Variants in TLL1 observed in about 807,000 individuals in gnomAD.
TLL1 encodes the protein tolloid like 1.
TLL1 carries 49 observed loss-of-function variants against 128.2 expected under a neutral mutation model. The observed-to-expected ratio is 0.38, with a 90% CI of 0.30 to 0.48. The LOEUF is 0.48. TLL1 is among the 20% of genes least tolerant of loss of function. The pLI, the probability that TLL1 is intolerant of heterozygous loss-of-function variation, is 0.96. For synonymous variants in TLL1, 454 were observed against 418.8 expected, an observed-to-expected ratio of 1.08 and a Z score of -1.03; for missense variants, 1,123 against 1,242.0, an observed-to-expected ratio of 0.90 and a Z score of 1.44.
chr4:166,008,668 T>C (rs887800056), intron 7 of TLL1, among the ~76,000 whole-genome samples: 4 of 151,616 alleles, frequency 2.6e-5, no homozygotes, highest in Non-Finnish European at 5.9e-5. Context: ...TAAATTTGGG[T>C]TTTGATCTAC....
intron 16 of TLL1, among the ~76,000 whole-genome samples, chr4:166,066,377 T>C (rs1048268868): frequency 6.6e-6 from 1 of 151,746 alleles, no homozygotes; most frequent in African/African-American, 2.4e-5. Flanking sequence ...AAGTAAAATT[T>C]CCTTCTTAAA....
At chr4:166,027,301 CT>C (rs1288531634) in intron 9 of TLL1, among the ~76,000 whole-genome samples, 1 of 151,874 alleles carries the variant, frequency 6.6e-6, no homozygotes, top group Non-Finnish European at 1.5e-5. Flanking sequence ...TGTACTTTGT[CT>C]TTGATTCTTA....
intron 9 of TLL1, among the ~76,000 whole-genome samples, chr4:166,026,402 C>T (rs920492965): frequency 3.4e-5 from 5 of 147,504 alleles, no homozygotes; most frequent in Admixed American, 2.7e-4. Context: ...AAAACAAAAA[C>T]AAGGCCAGGT....
chr4:165,936,207 T>TA (rs201227041), intron 1 of TLL1, among the ~76,000 whole-genome samples: 6,128 of 122,342 alleles, frequency 0.05, 155 homozygotes, highest in African/African-American at 0.1. Context: ...TATATATATA[T>TA]TTTTTTTTCT....
chr4:165,919,529 T>G (rs767569812), intron 1 of TLL1, among the ~76,000 whole-genome samples: 1 of 152,114 alleles, frequency 6.6e-6, no homozygotes, highest in Admixed American at 6.5e-5. Flanking sequence ...ATAGTATATA[T>G]ATAATTAACT....
At chr4:166,023,703 T>C (rs974653356) in intron 8 of TLL1, among the ~76,000 whole-genome samples, 1 of 152,204 alleles carries the variant, frequency 6.6e-6, no homozygotes, top group African/African-American at 2.4e-5. Context: ...CTATATTATC[T>C]GGACTTATTA....
At chr4:166,063,206 A>G (rs1247168520) in intron 15 of TLL1, among the ~76,000 whole-genome samples, 1 of 152,222 alleles carries the variant, frequency 6.6e-6, no homozygotes, top group Non-Finnish European at 1.5e-5. Flanking sequence ...TTCTCAAAGG[A>G]AGACATTTAT....
At chr4:165,874,147 G>C in intron 1 of TLL1, 74 bp downstream of exon 1, 5 of 1,570,924 alleles carry the variant, frequency 3.2e-6, no homozygotes, top group Non-Finnish European at 4.4e-6. Flanking sequence ...GTGGCGGTGG[G>C]AGCTCACCTG....
At chr4:166,044,255 G>T in intron 12 of TLL1, 1 of 781,954 alleles carries the variant, frequency 1.3e-6, no homozygotes, top group South Asian at 1.8e-5. Context: ...TTCACTAAGT[G>T]ATCAGAAGGT....
chr4:165,951,720 G>T (rs1734527613), intron 1 of TLL1, among the ~76,000 whole-genome samples: 1 of 152,068 alleles, frequency 6.6e-6, no homozygotes, highest in Non-Finnish European at 1.5e-5. Flanking sequence ...GTTCCTGTGG[G>T]CCTGAGTGCT....
chr4:166,084,488 G>GTT (rs1343542053), intron 18 of TLL1, among the ~76,000 whole-genome samples: 1 of 151,994 alleles, frequency 6.6e-6, no homozygotes, highest in East Asian at 1.9e-4. Flanking sequence ...TTTTCCCTAT[G>GTT]TTTTCCTCTA....
chr4:166,094,468 CCT>C (rs138837305), intron 19 of TLL1, among the ~76,000 whole-genome samples: 4,698 of 151,996 alleles, frequency 0.031, 194 homozygotes, highest in African/African-American at 0.1. Context: ...ATTTTATTTC[CCT>C]GTTTCATTCA....
chr4:166,064,256 C>G (rs1740475561), intron 15 of TLL1, among the ~76,000 whole-genome samples: 1 of 151,948 alleles, frequency 6.6e-6, no homozygotes, highest in Admixed American at 6.6e-5. Flanking sequence ...CCTACCAATT[C>G]TGGGATTGAT....
intron 1 of TLL1, among the ~76,000 whole-genome samples, chr4:165,882,914 C>T (rs1283314342): frequency 1.3e-5 from 2 of 151,890 alleles, no homozygotes; most frequent in African/African-American, 2.4e-5. Context: ...GCTGGGTGAA[C>T]TCCTGACCAA....
At position 166,002,775 on chromosome 4, in the gene TLL1, T is replaced by C. The variant is rs74835135; in HGVS notation, c.633-616T>C. 5.8e-3 allele frequency among the ~76,000 whole-genome samples: 891 copies of C among 152,322 alleles called. 12 individuals are homozygous for C. Among genetic ancestry groups the C allele is most frequent in the African/African-American group, 0.02 (816 of 41,564 alleles). On this transcript the variant is annotated intron_variant, in intron 5 of 20. Coordinates refer to ENST00000061240, the MANE Select transcript of TLL1 (RefSeq NM_012464.5). ...TAATTTTCTTTAATTAACTTCTTCT[T>C]TGAAACGTTTCTTTTATTAACAAAA...
chr4:165,890,279 C>T (rs554074970), intron 1 of TLL1, among the ~76,000 whole-genome samples: 1 of 152,262 alleles, frequency 6.6e-6, no homozygotes, highest in East Asian at 1.9e-4. Context: ...CCATATCATT[C>T]TGCCACTGGC....
intron 20 of TLL1, 70 bp from the exon 21 acceptor site, chr4:166,100,672 C>A (rs749639576): frequency 8.8e-6 from 14 of 1,585,566 alleles, no homozygotes; most frequent in Non-Finnish European, 1.2e-5. Flanking sequence ...CCCAAACATG[C>A]GTTACACTGA....
intron 1 of TLL1, among the ~76,000 whole-genome samples, chr4:165,979,922 A>G (rs1178049391): frequency 6.6e-6 from 1 of 152,176 alleles, no homozygotes; most frequent in African/African-American, 2.4e-5. Flanking sequence ...ATAGAGAGGG[A>G]GAACCAGTCT....
intron 1 of TLL1, among the ~76,000 whole-genome samples, chr4:165,931,521 T>G (rs896344759): frequency 1.7e-5 from 2 of 119,728 alleles, no homozygotes; most frequent in Admixed American, 1.5e-4. Flanking sequence ...GATTGAGACC[T>G]CCTGGCCAAC....
Sources: allele counts gnomAD v4.1 joint callset (sites outside exome capture counted in the v4.1 genomes callset), GRCh38; gene constraint gnomAD v4.1.1; transcripts MANE v1.5; gene names NCBI Gene and HGNC (gene_info 2026-07-23, HGNC 2026-07-21).